SLIT1: variants seen among roughly 807,000 people sequenced by gnomAD.
SLIT1 encodes the protein slit guidance ligand 1.
A neutral mutation model predicts 186.1 loss-of-function variants in SLIT1; 66 were observed. The observed-to-expected ratio is 0.35, with a 90% CI of 0.29 to 0.44. SLIT1 has a LOEUF of 0.44. Ranked by LOEUF, SLIT1 falls within the 20% of genes least tolerant of loss-of-function variation. The probability of loss-of-function intolerance (pLI) is 1.00; values close to 1 mark genes in which losing one functional copy is unlikely to be tolerated. For synonymous variants in SLIT1, 761 were observed against 833.8 expected (o/e 0.91, Z 1.50); for missense variants, 1,638 against 2,037.4 (o/e 0.80, Z 3.77).
At chr10:97,009,089 G>A (rs1263089099) in intron 31 of SLIT1, among the ~76,000 whole-genome samples, 2 of 152,054 alleles carry the variant, frequency 1.3e-5, no homozygotes, top group Non-Finnish European at 2.9e-5. Flanking sequence ...GTGTTAGCCA[G>A]GATGGTCTCG....
chr10:97,073,039 G>A (rs1849014428), intron 4 of SLIT1, among the ~76,000 whole-genome samples: 1 of 152,204 alleles, frequency 6.6e-6, no homozygotes, highest in Non-Finnish European at 1.5e-5. Flanking sequence ...ACGAGGGGGC[G>A]CCAGAAGCCT....
rs1365884148 is a variant in SLIT1, at chr10:97,034,509, G to T, written c.2400C>A (p.Ser800Arg). ...GGCTCATGTTGGTGAAGGAGGAATT[G>T]CTTAAGGAACTGATCTTGTTGTTGC... ...DLSNNKISSLSNSSFTNMSQL... is the reference protein window; with the variant it reads ...DLSNNKISSLRNSSFTNMSQL... The change falls in exon 23 of 37, where the codon AGC (serine) becomes AGA (arginine). Residue 800 changes from serine to arginine, a missense_variant. Ser to Arg is a moderately radical substitution (Grantham distance 110). This residue lies in a region of SLIT1 where 1,245 missense variants were observed against 1,535.3 expected (regional missense o/e 0.81). Transcript: ENST00000266058. 1 of 1,613,680 alleles carries T rather than the reference G, an allele frequency of 6.2e-7. No individual in the cohort carries two copies. The highest frequency in any genetic ancestry group is 8.5e-7 in the Non-Finnish European group (1 of 1,179,720).
rs145222503 is a variant in SLIT1, at chr10:97,178,967, G to A, written c.197+6511C>T. Among the ~76,000 whole-genome samples, 1,169 of 152,216 alleles carry A rather than the reference G, an allele frequency of 7.7e-3. 11 individuals are homozygous for A. The highest frequency in any genetic ancestry group is 0.01 in the Non-Finnish European group (707 of 68,012). The stretch of plus-strand genomic sequence containing the variant: ...AACACAAATCGTCGCCCCTCAGGGG[G>A]TTTTGCTTCTCACTCTCCTTCCCAA... On this transcript the variant is annotated intron_variant, in intron 1 of 36. Coordinates refer to ENST00000266058, the MANE Select transcript of SLIT1 (RefSeq NM_003061.3).
At chr10:97,047,668 TG>T (rs763713845) in intron 16 of SLIT1, 21 bp downstream of exon 16, 24 of 1,484,562 alleles carry the variant, frequency 1.6e-5, no homozygotes, top group South Asian at 7.9e-5. Context: ...AGGGGAGGGC[TG>T]GGGGGGCCAG....
At chr10:97,154,942 A>G (rs1288049826) in intron 4 of SLIT1, 1 of 151,856 alleles carries the variant, frequency 6.6e-6, no homozygotes, top group Non-Finnish European at 1.5e-5. Flanking sequence ...CTTCATCCTG[A>G]CTCTCGGGAA....
chr10:97,035,325 C>T (rs1258799880), intron 22 of SLIT1, among the ~76,000 whole-genome samples: 1 of 152,144 alleles, frequency 6.6e-6, no homozygotes, highest in African/African-American at 2.4e-5. Context: ...CAGTGCCCCC[C>T]TCCCCATGGC....
Position 97,166,585 on chromosome 10 carries a change from A to G in SLIT1, c.198-1695T>C, listed in dbSNP as rs796426155. 1.4e-4 allele frequency among the ~76,000 whole-genome samples: 13 copies of G among 91,290 alleles called. No individual in the cohort carries two copies. The East Asian group carries it at 1.5e-3, about 11-fold the overall frequency. The allele number at this position is 91,290 out of a possible 152,430, so 59.9% of individuals were successfully genotyped here. On this transcript the variant is annotated intron_variant, in intron 1 of 36. Coordinates refer to ENST00000266058, the MANE Select transcript of SLIT1 (RefSeq NM_003061.3). ...AGAGAGAGAGAGAAAGAAAGAAAGAAAGAAAGAAAGAAAGAAAGAAAGAAA... is the reference window on the plus strand; with the variant it reads ...AGAGAGAGAGAGAAAGAAAGAAAGAGAGAAAGAAAGAAAGAAAGAAAGAAA...
intron 4 of SLIT1, among the ~76,000 whole-genome samples, chr10:97,121,889 C>T (rs565255024): frequency 2.6e-5 from 4 of 152,300 alleles, no homozygotes; most frequent in African/African-American, 4.8e-5. Context: ...ATTGAGCACG[C>T]GCTACCTGAT....
intron 4 of SLIT1, among the ~76,000 whole-genome samples, chr10:97,108,013 C>T (rs1849430442): frequency 6.6e-6 from 1 of 152,234 alleles, no homozygotes; most frequent in African/African-American, 2.4e-5. Context: ...AAGAGACACA[C>T]ACACGTGCCC....
At chr10:97,097,399 G>A (rs566273880) in intron 4 of SLIT1, among the ~76,000 whole-genome samples, 11 of 152,288 alleles carry the variant, frequency 7.2e-5, no homozygotes, top group African/African-American at 1.9e-4. Context: ...GGGTCATGGA[G>A]GAAATAATTT....
chr10:97,061,338 T>C (rs1848892218), intron 8 of SLIT1, among the ~76,000 whole-genome samples: 1 of 152,212 alleles, frequency 6.6e-6, no homozygotes, highest in Admixed American at 6.5e-5. Context: ...CAGCCCAGTG[T>C]CTGAAATAAG....
chr10:97,059,988 G>C, intron 10 of SLIT1, 99 bp downstream of exon 10: 3 of 1,036,514 alleles, frequency 2.9e-6, no homozygotes, highest in Non-Finnish European at 4.6e-6. Context: ...CCACTCAGCT[G>C]TGGGGGGCTG....
Position 97,060,631 on chromosome 10 carries a change from C to G in SLIT1, c.941+9G>C, listed in dbSNP as rs572003818. 14 of 1,612,340 alleles carry G rather than the reference C, an allele frequency of 8.7e-6. No individual in the cohort carries two copies. In the Admixed American group the frequency reaches 2.2e-4, roughly 25 times the overall value. ...CTGTGCCCCAGCATCTGCCCTGCCC[C>G]GTACTCACATCTCCGTCATGGTCTC... On this transcript the variant is annotated intron_variant, in intron 9 of 36. Transcript: ENST00000266058.
At chr10:97,138,313 C>T (rs934749052) in intron 4 of SLIT1, among the ~76,000 whole-genome samples, 3 of 152,230 alleles carry the variant, frequency 2.0e-5, no homozygotes, top group African/African-American at 7.2e-5. Flanking sequence ...TTACGGGCCT[C>T]CGGGTCACCT....
chr10:97,162,114 G>C (rs1472843614), intron 3 of SLIT1, among the ~76,000 whole-genome samples: 3 of 152,192 alleles, frequency 2.0e-5, no homozygotes, highest in African/African-American at 7.2e-5. Context: ...ACTATAATGA[G>C]AGTTAGTGGT....
chr10:97,018,710 C>A (rs202241935), intron 27 of SLIT1, 27 bp from the exon 28 acceptor site: 1 of 1,441,378 alleles, frequency 6.9e-7, no homozygotes, highest in Admixed American at 2.0e-5. Flanking sequence ...TGATGGGGAC[C>A]CCAGGGAGAC....
chr10:97,056,645 G>A (rs1848839438), intron 12 of SLIT1, among the ~76,000 whole-genome samples, 181 bp from the exon 13 acceptor site: 1 of 152,194 alleles, frequency 6.6e-6, no homozygotes. Context: ...AACTCCGACT[G>A]CCTCCTCCAT....
intron 13 of SLIT1, among the ~76,000 whole-genome samples, chr10:97,052,226 A>G (rs1848796051): frequency 6.6e-6 from 1 of 151,158 alleles, no homozygotes; most frequent in African/African-American, 2.4e-5. Flanking sequence ...CCTCTTGAGT[A>G]CTTGGGACCA....
intron 28 of SLIT1, among the ~76,000 whole-genome samples, chr10:97,016,354 G>C (rs1239610299): frequency 2.6e-5 from 4 of 152,018 alleles, no homozygotes; most frequent in Non-Finnish European, 5.9e-5. Flanking sequence ...GATTGCATTG[G>C]AGAATGATAA....
Sources: allele counts gnomAD v4.1 joint callset (sites outside exome capture counted in the v4.1 genomes callset), GRCh38; gene constraint gnomAD v4.1.1; regional missense constraint gnomAD v4.1.1; transcripts MANE v1.5; gene names NCBI Gene and HGNC (gene_info 2026-07-23, HGNC 2026-07-21).